Variants in CIT observed in about 807,000 individuals in gnomAD.
CIT encodes citron rho-interacting serine/threonine kinase.
CIT carries 79 observed loss-of-function variants against 272.7 expected under a neutral mutation model. The observed-to-expected ratio is 0.29, with a 90% CI of 0.24 to 0.35. The LOEUF is 0.35. Among genes scored for constraint, CIT ranks in the 10% least tolerant of loss-of-function variants. The pLI is 1.00. For synonymous variants in CIT, 948 were observed against 995.6 expected (o/e 0.95, Z 0.90); for missense variants, 1,909 against 2,618.3 (o/e 0.73, Z 5.91).
intron 28 of CIT, among the ~76,000 whole-genome samples, chr12:119,726,193 A>G (rs1052348791): frequency 3.3e-5 from 5 of 151,676 alleles, no homozygotes; most frequent in Non-Finnish European, 5.9e-5. Context: ...AACTTTCTCA[A>G]ACTCCCACCC....
intron 10 of CIT, among the ~76,000 whole-genome samples, chr12:119,792,690 G>A (rs1356158976): frequency 6.6e-6 from 1 of 152,124 alleles, no homozygotes; most frequent in Non-Finnish European, 1.5e-5. Flanking sequence ...GGCAAGGATG[G>A]TCTCGGTCTC....
chr12:119,751,297 A>T (rs1960230919), intron 23 of CIT, among the ~76,000 whole-genome samples: 1 of 152,106 alleles, frequency 6.6e-6, no homozygotes, highest in Non-Finnish European at 1.5e-5. Context: ...TTAAGTTGGC[A>T]TTTCACATAT....
At chr12:119,823,206 C>T (rs749626457) in intron 8 of CIT, among the ~76,000 whole-genome samples, 1 of 152,132 alleles carries the variant, frequency 6.6e-6, no homozygotes, top group Non-Finnish European at 1.5e-5. Context: ...ATGGCTTGAC[C>T]CCGGCTCCCC....
chr12:119,694,797 C>A lies in CIT; in HGVS notation c.5882+2862G>T, dbSNP rs1254768984. Among the ~76,000 whole-genome samples the A allele has an allele frequency of 6.6e-6, 1 of 151,794 alleles. No individual in the cohort carries two copies. The highest frequency in any genetic ancestry group is 1.5e-5 in the Non-Finnish European group (1 of 67,978). ...GCTCCAGCCTGGGCACAGAGTGAGA[C>A]CCTACCTCGAAAAAAAATAAATAAA... On this transcript the variant is annotated intron_variant, in intron 46 of 47. Coordinates refer to ENST00000392521, the MANE Select transcript of CIT (RefSeq NM_001206999.2). The surrounding 1 kb of genome is among the most constrained non-coding windows in gnomAD (Gnocchi z 4.5).
chr12:119,717,732 A>G (rs563996350), intron 32 of CIT, among the ~76,000 whole-genome samples: 14 of 150,238 alleles, frequency 9.3e-5, no homozygotes, highest in South Asian at 2.1e-4. Context: ...ATTTTCTCAT[A>G]TTCTTTAAAT....
intron 3 of CIT, 66 bp from the exon 4 acceptor site, chr12:119,857,764 GAAAAAAA>G: frequency 9.8e-7 from 1 of 1,018,218 alleles, no homozygotes; most frequent in Non-Finnish European, 1.3e-6. Context: ...CTTTATGAAA[GAAAAAAA>G]AAAAAGAAAA....
chr12:119,874,351 C>A (rs1950775763), intron 2 of CIT, among the ~76,000 whole-genome samples: 1 of 152,112 alleles, frequency 6.6e-6, no homozygotes, highest in Non-Finnish European at 1.5e-5. Context: ...GCATTACAGG[C>A]TACAACCTAT....
chr12:119,782,250 T>G, intron 13 of CIT: 1 of 254,788 alleles, frequency 3.9e-6, no homozygotes, highest in Non-Finnish European at 7.4e-6. Context: ...GTCTGCCCAC[T>G]CTTGCTCTAA....
At chr12:119,755,632 TA>T (rs1279042188) in intron 22 of CIT, among the ~76,000 whole-genome samples, 5 of 152,234 alleles carry the variant, frequency 3.3e-5, no homozygotes, top group Non-Finnish European at 5.9e-5. Flanking sequence ...GCTGCTAGGC[TA>T]AAAGCCCTCG....
intron 10 of CIT, among the ~76,000 whole-genome samples, chr12:119,795,524 G>A (rs555802762): frequency 2.0e-5 from 3 of 152,324 alleles, no homozygotes; most frequent in African/African-American, 7.2e-5. Context: ...TTATTGCTGG[G>A]TCTACATGAG....
rs1398041995 is a variant in CIT at position 119,752,221 on chromosome 12, T to G, written c.2733A>C (p.Lys911Asn). 1 of 1,609,180 alleles carries G rather than the reference T, an allele frequency of 6.2e-7. No individual in the cohort carries two copies. The highest frequency in any genetic ancestry group is 8.5e-7 in the Non-Finnish European group (1 of 1,179,682). ...REVSLEHEEQ[K>N]LELKRQLTEL... ...CTGTGAGCTGGCGCTTGAGCTCCAGTTTCTGCTCCTCGTGCTCTAGACTGA... is the reference window on the plus strand; with the variant it reads ...CTGTGAGCTGGCGCTTGAGCTCCAGGTTCTGCTCCTCGTGCTCTAGACTGA... The change falls in exon 23 of 48, where the codon AAA becomes AAC. Residue 911 changes from lysine to asparagine, a missense_variant. Physicochemically the swap from Lys to Asn is moderately conservative, Grantham distance 94. Coordinates refer to ENST00000392521, the MANE Select transcript of CIT (RefSeq NM_001206999.2).
intron 41 of CIT, among the ~76,000 whole-genome samples, chr12:119,702,808 G>A (rs1186107454): frequency 6.6e-6 from 1 of 152,124 alleles, no homozygotes; most frequent in East Asian, 1.9e-4. Context: ...TATTAACAGT[G>A]GTGGTCAGCA....
intron 4 of CIT, among the ~76,000 whole-genome samples, chr12:119,851,111 GTC>G (rs747169117): frequency 1.9e-3 from 283 of 152,282 alleles, no homozygotes; most frequent in Non-Finnish European, 2.8e-3. Context: ...TAGAGACAGA[GTC>G]TCTCTCTGTT....
chr12:119,791,576 C>T (rs1165259305), intron 10 of CIT, among the ~76,000 whole-genome samples: 1 of 152,208 alleles, frequency 6.6e-6, no homozygotes, highest in East Asian at 1.9e-4. Context: ...CCTGCCCACA[C>T]GTTGCTTGCC....
chr12:119,842,226 TA>T (rs1375620154), intron 5 of CIT, among the ~76,000 whole-genome samples: 1 of 151,780 alleles, frequency 6.6e-6, no homozygotes, highest in African/African-American at 2.4e-5. Context: ...CCGTCTCTAC[TA>T]AAACAACAAA....
chr12:119,872,717 G>A (rs1950717991), intron 2 of CIT, among the ~76,000 whole-genome samples: 4 of 152,116 alleles, frequency 2.6e-5, no homozygotes, highest in Non-Finnish European at 5.9e-5. Context: ...TCTGATCTTG[G>A]CCTCATCTGC....
At chr12:119,726,358 A>G in intron 28 of CIT, among the ~76,000 whole-genome samples, 1 of 149,246 alleles carries the variant, frequency 6.7e-6, no homozygotes. Flanking sequence ...AGCTGGGACT[A>G]GAACTGCACA....
At chr12:119,863,737 G>A (rs1950434329) in intron 3 of CIT, among the ~76,000 whole-genome samples, 1 of 151,502 alleles carries the variant, frequency 6.6e-6, no homozygotes, top group African/African-American at 2.4e-5. Flanking sequence ...TCACCATGTT[G>A]GCCAGGATGG....
At chr12:119,844,162 C>T (rs1367724672) in intron 5 of CIT, among the ~76,000 whole-genome samples, 2 of 151,740 alleles carry the variant, frequency 1.3e-5, no homozygotes, top group Admixed American at 6.6e-5. Flanking sequence ...GCTGGGATTA[C>T]AGGCGCCCAC....
Sources: allele counts gnomAD v4.1 joint callset (sites outside exome capture counted in the v4.1 genomes callset), GRCh38; gene constraint gnomAD v4.1.1; non-coding constraint Gnocchi (gnomAD v3.1); transcripts MANE v1.5; gene names NCBI Gene and HGNC (gene_info 2026-07-23, HGNC 2026-07-21).